B4GALNT2: variants seen among roughly 807,000 people sequenced by gnomAD.
B4GALNT2 encodes beta-1,4-N-acetyl-galactosaminyltransferase 2 (SID blood group).
B4GALNT2 carries 42 observed loss-of-function variants against 51.1 expected under a neutral mutation model. The ratio of observed to expected loss-of-function variants is 0.82; its 90% CI spans 0.64 to 1.06. The LOEUF (loss-of-function observed/expected upper bound fraction) is 1.06. Ranked by LOEUF, B4GALNT2 falls within the 50% of genes least tolerant of loss-of-function variation. The probability of loss-of-function intolerance (pLI) is 0.00; values close to 1 mark genes in which losing one functional copy is unlikely to be tolerated. For synonymous variants in B4GALNT2, 253 were observed against 251.7 expected, an observed-to-expected ratio of 1.01 and a Z score of -0.05; for missense variants, 602 against 633.6, an observed-to-expected ratio of 0.95 and a Z score of 0.54.
chr17:49,121,583 G>A, the B4GALNT2 span, among the ~76,000 whole-genome samples: 37 of 152,172 alleles, frequency 2.4e-4, no homozygotes, highest in Non-Finnish European at 3.5e-4. Flanking sequence ...CTGGGCACTG[G>A]GAGTAGCTGG....
chr17:49,122,955 A>AG, the B4GALNT2 span, among the ~76,000 whole-genome samples: 2 of 152,262 alleles, frequency 1.3e-5, no homozygotes, highest in South Asian at 4.1e-4. Flanking sequence ...AAGGAGAGGT[A>AG]GGAACGACAA....
At chr17:49,134,559 C>G (rs1313518141) in intron 1 of B4GALNT2, among the ~76,000 whole-genome samples, 1 of 151,916 alleles carries the variant, frequency 6.6e-6, no homozygotes, top group Non-Finnish European at 1.5e-5. Context: ...CGTGCGCACG[C>G]GCGCCACCAT....
At chr17:49,142,226 T>G in intron 3 of B4GALNT2, 54 bp downstream of exon 3, 1 of 1,606,754 alleles carries the variant, frequency 6.2e-7, no homozygotes, top group Non-Finnish European at 8.5e-7. Context: ...AAGCCCTCCC[T>G]ATGTCCTGAG....
chr17:49,138,386 A>G (rs1359279659), intron 1 of B4GALNT2, among the ~76,000 whole-genome samples: 1 of 152,136 alleles, frequency 6.6e-6, no homozygotes, highest in Admixed American at 6.5e-5. Flanking sequence ...TGCCTGGGTC[A>G]TTTTGTGTTA....
chr17:49,129,408 G>A (rs575247060), upstream of B4GALNT2, among the ~76,000 whole-genome samples: 1 of 152,268 alleles, frequency 6.6e-6, no homozygotes, highest in African/African-American at 2.4e-5. Flanking sequence ...GAGACAAGAT[G>A]GGATGGGTGG....
intron 3 of B4GALNT2, among the ~76,000 whole-genome samples, chr17:49,150,389 C>G (rs1330798531): frequency 6.6e-6 from 1 of 152,130 alleles, no homozygotes; most frequent in Non-Finnish European, 1.5e-5. Context: ...GTGAGGAGCC[C>G]CTCTGCCTGG....
At chr17:49,148,721 C>T (rs1376606201) in intron 3 of B4GALNT2, 3 of 585,620 alleles carry the variant, frequency 5.1e-6, no homozygotes, top group Non-Finnish European at 6.2e-6. Context: ...GGTGCTTAGG[C>T]ATGTGGACAT....
At chr17:49,144,017 T>C (rs2144288699) in intron 3 of B4GALNT2, among the ~76,000 whole-genome samples, 1 of 152,204 alleles carries the variant, frequency 6.6e-6, no homozygotes, top group East Asian at 1.9e-4. Flanking sequence ...GCTGTGGTGG[T>C]GAGTGCCTGT....
intron 4 of B4GALNT2, 33 bp downstream of exon 4, chr17:49,152,939 C>A (rs1417665233): frequency 1.3e-6 from 2 of 1,549,096 alleles, no homozygotes; most frequent in Non-Finnish European, 1.8e-6. Flanking sequence ...AGACCCCAGA[C>A]AACATTCTCA....
chr17:49,168,556 T>C, intron 9 of B4GALNT2, 125 bp from the exon 10 acceptor site: 1 of 975,762 alleles, frequency 1.0e-6, no homozygotes, highest in Middle Eastern at 3.1e-4. Context: ...AGGGATAATT[T>C]GAAGGATAGA....
intron 1 of B4GALNT2, chr17:49,133,189 T>C: frequency 6.6e-7 from 1 of 1,507,258 alleles, no homozygotes; most frequent in Non-Finnish European, 8.8e-7. Flanking sequence ...TGGGGCCCGT[T>C]TGCTGCCCAC....
intron 4 of B4GALNT2, among the ~76,000 whole-genome samples, chr17:49,155,671 A>G (rs1045099721): frequency 1.3e-5 from 2 of 148,356 alleles, no homozygotes; most frequent in South Asian, 2.1e-4. Context: ...AAACATATAT[A>G]TTATTATTTA....
rs371327844 is a variant in B4GALNT2, at chr17:49,137,338, G to A, written c.15-3909G>A. ...GCTCTGCGCTCATGAATGGATTAAT[G>A]CCATTATCATGGGAGTGGGTTCGTT... On this transcript the variant is annotated intron_variant, in intron 1 of 10. Coordinates refer to ENST00000393354, the MANE Select transcript of B4GALNT2 (RefSeq NM_001159387.2). Among the ~76,000 whole-genome samples, 9 of 152,284 alleles carry A rather than the reference G, an allele frequency of 5.9e-5. No individual in the cohort carries two copies. In the East Asian group the frequency reaches 7.7e-4, roughly 13 times the overall value.
At chr17:49,143,900 C>T (rs1488791412) in intron 3 of B4GALNT2, among the ~76,000 whole-genome samples, 2 of 152,152 alleles carry the variant, frequency 1.3e-5, no homozygotes, top group Admixed American at 1.3e-4. Flanking sequence ...GTAATTTCAG[C>T]ACTTTGGGAG....
chr17:49,165,873 C>A (rs1255656776), intron 8 of B4GALNT2, among the ~76,000 whole-genome samples: 1 of 152,102 alleles, frequency 6.6e-6, no homozygotes, highest in African/African-American at 2.4e-5. Flanking sequence ...ACTTTCTAGC[C>A]TTTCTTTGTC....
upstream of B4GALNT2, among the ~76,000 whole-genome samples, chr17:49,130,103 T>A (rs2042529487): frequency 6.6e-6 from 1 of 152,162 alleles, no homozygotes; most frequent in Non-Finnish European, 1.5e-5. Context: ...CCTGCAGTCA[T>A]CCCTAGAGCA....
intron 3 of B4GALNT2, among the ~76,000 whole-genome samples, chr17:49,150,340 A>T (rs1403388616): frequency 6.6e-6 from 1 of 151,018 alleles, no homozygotes; most frequent in Non-Finnish European, 1.5e-5. Context: ...CCCGTCCGGG[A>T]GGTGAGGGGC....
intron 4 of B4GALNT2, 47 bp downstream of exon 4, chr17:49,152,953 T>C (rs2042773954): frequency 1.3e-6 from 2 of 1,510,600 alleles, no homozygotes; most frequent in African/African-American, 1.4e-5. Context: ...ATTCTCACTC[T>C]TCTAAGGCAA....
intron 1 of B4GALNT2, among the ~76,000 whole-genome samples, chr17:49,140,773 C>T (rs1325079727): frequency 1.4e-5 from 2 of 138,992 alleles, no homozygotes; most frequent in Non-Finnish European, 3.0e-5. Flanking sequence ...GGCTGGAGTG[C>T]AGTGGCGTGA....
Sources: gnomAD v4.1 joint callset for allele counts (sites outside exome capture counted in the v4.1 genomes callset) on GRCh38, gnomAD v4.1.1 for gene constraint, MANE v1.5 for transcripts, NCBI Gene and HGNC (gene_info 2026-07-23, HGNC 2026-07-21) for gene names.